Variants in CPTP observed in about 807,000 individuals in gnomAD.
CPTP encodes GLTP domain-containing protein 1.
In CPTP, 5 loss-of-function variants were observed where a neutral mutation model predicts 5.7. That is an observed-to-expected ratio of 0.88 (90% confidence interval 0.46 to 1.86). The LOEUF (loss-of-function observed/expected upper bound fraction) is 1.86. Ranked by LOEUF, CPTP falls within the 40% of genes most tolerant of loss-of-function variation. CPTP has a pLI of 0.01. For synonymous variants in CPTP, 166 were observed against 142.7 expected, an observed-to-expected ratio of 1.16 and a Z score of -1.16; for missense variants, 335 against 306.5, an observed-to-expected ratio of 1.09 and a Z score of -0.69.
At position 1,328,575 on chromosome 1, in the gene CPTP, A is replaced by C. The variant is rs1643361840; in HGVS notation, c.*812A>C. ...CAGGAGCTGGGACTCTGCTACACCC[A>C]GTGAAATGCTGTGTCCCTTCTCCCC... On this transcript the variant is annotated 3_prime_UTR_variant, in exon 3 of 3. Transcript: ENST00000343938. 1 of 152,726 alleles carries C rather than the reference A, an allele frequency of 6.5e-6. No individual in the cohort carries two copies. The highest frequency in any genetic ancestry group is 1.5e-5 in the Non-Finnish European group (1 of 68,342). 9.5% of individuals were successfully genotyped at this position (152,726 alleles called of 1,614,324 possible). A position where few individuals can be genotyped will look rare whatever the true frequency, so the allele number is the denominator to read the frequency against.
chr1:1,324,915 C>A lies in CPTP; in HGVS notation c.-263C>A. ...CCGAGGGGCCGGGAGCGGGAGGGGA[C>A]GTCGTCCTAGAGGGCCGGAGCGGGC... On this transcript the variant is annotated 5_prime_UTR_variant, in exon 1 of 3. Transcript: ENST00000343938. 1 of 362,780 alleles carries A rather than the reference C, an allele frequency of 2.8e-6. No homozygotes were observed. The highest frequency in any genetic ancestry group is 5.0e-6 in the Non-Finnish European group (1 of 201,640). The allele number at this position is 362,780 out of a possible 1,614,324, so 22.5% of individuals were successfully genotyped here. A position where few individuals can be genotyped will look rare whatever the true frequency, so the allele number is the denominator to read the frequency against.
chr1:1,328,650 A>G lies in CPTP; in HGVS notation c.*887A>G, dbSNP rs1429489651. On this transcript the variant is annotated 3_prime_UTR_variant, in exon 3 of 3. Transcript: ENST00000343938. ...ACAGTGCTCAGGAGACCCGTGGGGC[A>G]CGGAACAGGAGGGTCTGGACCCTGT... 1 of 152,432 alleles carries G rather than the reference A, an allele frequency of 6.6e-6. No homozygotes were observed. Among genetic ancestry groups the G allele is most frequent in the South Asian group, 2.1e-4 (1 of 4,830 alleles). The allele number at this position is 152,432 out of a possible 1,614,324, so 9.4% of individuals were successfully genotyped here.
rs1263168843 is a variant in CPTP, at chr1:1,327,398, C to G, written c.280C>G (p.Leu94Val). The change falls in exon 3 of 3, where the codon CTG becomes GTG. Residue 94 changes from leucine (L) to valine (V), a missense_variant. Leu to Val is a conservative substitution (Grantham distance 32). Coordinates refer to ENST00000343938, the MANE Select transcript of CPTP (RefSeq NM_001029885.2). ...CGAGCTGAGCAACCGGCTGGTGGAC[C>G]TGGAGCGCCGCTCCCACCACCCGGA... Reference protein sequence around the residue: ...AHELSNRLVDLERRSHHPESG... With the variant: ...AHELSNRLVDVERRSHHPESG... 4 of 1,595,234 alleles carry G rather than the reference C, an allele frequency of 2.5e-6. No individual in the cohort carries two copies. Among genetic ancestry groups the G allele is most frequent in the South Asian group, 1.1e-5 (1 of 90,474 alleles).
intron 2 of CPTP, 36 bp from the exon 3 acceptor site, chr1:1,327,205 C>A: frequency 1.3e-6 from 2 of 1,591,328 alleles, no homozygotes; most frequent in Non-Finnish European, 1.7e-6. Context: ...CTGCCCCAGG[C>A]CTGGGCGAGG....
At position 1,326,784 on chromosome 1, in the gene CPTP, G is replaced by A. The variant is rs568610024; in HGVS notation, c.-75-52G>A. The A allele has an allele frequency of 3.0e-5, 38 of 1,265,622 alleles. No individual in the cohort carries two copies. The Admixed American group carries it at 6.8e-4, about 23-fold the overall frequency. The allele number at this position is 1,265,622 out of a possible 1,614,324, so 78.4% of individuals were successfully genotyped here. A position where few individuals can be genotyped will look rare whatever the true frequency, so the allele number is the denominator to read the frequency against. ...AGGAAGCTCCATGAGGGGCATGAGT[G>A]TTCAGTGAGCGGCAATGGGATCGCA... On this transcript the variant is annotated intron_variant, in intron 1 of 2. Coordinates refer to ENST00000343938, the MANE Select transcript of CPTP (RefSeq NM_001029885.2).
In CPTP at chr1:1,326,964, G is replaced by A. The variant is rs562033529; in HGVS notation, c.54G>A (p.Lys18=). The A allele has an allele frequency of 8.7e-6, 14 of 1,613,850 alleles. No homozygotes were observed. In the African/African-American group the frequency reaches 1.6e-4, roughly 18 times the overall value. ...FNLKVVLVSF[K]QCLDEKEEVL... ...TGAAAGTCGTCCTGGTCAGTTTCAAGCAGTGTCTCGATGAGAAGGAAGAGG... is the reference window on the plus strand; with the variant it reads ...TGAAAGTCGTCCTGGTCAGTTTCAAACAGTGTCTCGATGAGAAGGAAGAGG... The change falls in exon 2 of 3, where the codon AAG becomes AAA. Residue 18 remains lysine (K), a synonymous_variant. Coordinates refer to ENST00000343938, the MANE Select transcript of CPTP (RefSeq NM_001029885.2).
At chr1:1,326,626 G>A (rs542233679) in intron 1 of CPTP, among the ~76,000 whole-genome samples, 6 of 152,326 alleles carry the variant, frequency 3.9e-5, no homozygotes, top group Admixed American at 2.0e-4. Context: ...GGACTGACAC[G>A]GAGTCAGTGG....
At chr1:1,325,819 G>A (rs941849263) in intron 1 of CPTP, among the ~76,000 whole-genome samples, 9 of 152,132 alleles carry the variant, frequency 5.9e-5, no homozygotes, top group African/African-American at 1.9e-4. Flanking sequence ...ACCACGGCTG[G>A]GTGCCCTTCC....
chr1:1,327,350 A>G lies in CPTP; in HGVS notation c.232A>G (p.Ser78Gly), dbSNP rs769869921. The G allele has an allele frequency of 1.3e-6, 2 of 1,598,642 alleles. No individual in the cohort carries two copies. Among genetic ancestry groups the G allele is most frequent in the South Asian group, 2.2e-5 (2 of 91,012 alleles). ...CGGCCCGCAGAGCGAGCACTACCGC[A>G]GCCTGCAGGCCATGGTGGCCCACGA... ...RGGPQSEHYR[S>G]LQAMVAHELS... is the part of the protein sequence containing the mutation. Residue 78 changes from serine to glycine, a missense_variant, in exon 3 of 3, where the codon AGC becomes GGC. Ser to Gly is a moderately conservative substitution (Grantham distance 56). Coordinates refer to ENST00000343938, the MANE Select transcript of CPTP (RefSeq NM_001029885.2).
In CPTP at chr1:1,327,816, TG is replaced by T; in HGVS notation, c.*55del. ...TTCCTGCTGCAGATCTGGGCTGCGG[TG>T]GCCAGGGCCGTGAGTCCCGTGGCAG... On this transcript the variant is annotated 3_prime_UTR_variant, in exon 3 of 3. Coordinates refer to ENST00000343938, the MANE Select transcript of CPTP (RefSeq NM_001029885.2). The T allele has an allele frequency of 6.3e-7, 1 of 1,587,064 alleles. No individual in the cohort carries two copies. The highest frequency in any genetic ancestry group is 1.1e-5 in the South Asian group (1 of 90,428).
rs563276088 is a variant in CPTP at position 1,328,350 on chromosome 1, C to T, written c.*587C>T. On this transcript the variant is annotated 3_prime_UTR_variant, in exon 3 of 3. Coordinates refer to ENST00000343938, the MANE Select transcript of CPTP (RefSeq NM_001029885.2). The stretch of plus-strand genomic sequence containing the variant: ...CTCCCCGCCTCTCCTGCCTTGTTTG[C>T]CCCTCAGCGTGCCAGGCAGACTGGG... 3.3e-4 allele frequency: 51 copies of T among 156,600 alleles called. 1 individual carries two copies. The South Asian group carries it at 9.2e-3, about 28-fold the overall frequency. The allele number at this position is 156,600 out of a possible 1,614,324, so 9.7% of individuals were successfully genotyped here.
intron 1 of CPTP, 72 bp from the exon 2 acceptor site, chr1:1,326,764 G>A: frequency 9.3e-7 from 1 of 1,070,254 alleles, no homozygotes. Context: ...CTGGGAGGAA[G>A]CTCCATGAGG....
In CPTP at chr1:1,327,314, C is replaced by T. The variant is rs1240467802; in HGVS notation, c.196C>T (p.Arg66Cys). Residue 66 changes from arginine (R) to cysteine (C), a missense_variant, in exon 3 of 3, where the codon CGC (arginine) becomes TGC (cysteine). Physicochemically the swap from Arg to Cys is radical, Grantham distance 180. Transcript: ENST00000343938. ...DVVSKLRIME[R>C]LRGGPQSEHY... Reference sequence around the variant, plus strand: ...GGTCTCCAAGCTGCGGATCATGGAGCGCCTCAGGGGCGGCCCGCAGAGCGA... The same window carrying T: ...GGTCTCCAAGCTGCGGATCATGGAGTGCCTCAGGGGCGGCCCGCAGAGCGA... 4 of 1,597,960 alleles carry T rather than the reference C, an allele frequency of 2.5e-6. No homozygotes were observed. The highest frequency in any genetic ancestry group is 2.2e-5 in the East Asian group (1 of 44,880).
chr1:1,325,035 C>T lies in CPTP; in HGVS notation c.-143C>T, dbSNP rs187501819. 2.5e-3 allele frequency: 447 copies of T among 178,938 alleles called. 1 individual carries two copies. The highest frequency in any genetic ancestry group is 0.01 in the African/African-American group (427 of 42,280). 11.1% of individuals were successfully genotyped at this position (178,938 alleles called of 1,614,324 possible). A position where few individuals can be genotyped will look rare whatever the true frequency, so the allele number is the denominator to read the frequency against. On this transcript the variant is annotated 5_prime_UTR_variant, in exon 1 of 3. Transcript: ENST00000343938. ...CCCGGGCCTCCGCCCCTTCCTGGGCCTCTCGGTGGAGCAGGGACCCGAACC... is the reference window on the plus strand; with the variant it reads ...CCCGGGCCTCCGCCCCTTCCTGGGCTTCTCGGTGGAGCAGGGACCCGAACC...
At position 1,327,882 on chromosome 1, in the gene CPTP, C is replaced by T. The variant is rs1161526076; in HGVS notation, c.*119C>T. The stretch of plus-strand genomic sequence containing the variant: ...TGCGGGAACAGGAGATCCTCTGTCG[C>T]CCCTGTGAGCTGAGCTGGTTAGGAA... On this transcript the variant is annotated 3_prime_UTR_variant, in exon 3 of 3. Coordinates refer to ENST00000343938, the MANE Select transcript of CPTP (RefSeq NM_001029885.2). 9 of 1,157,444 alleles carry T rather than the reference C, an allele frequency of 7.8e-6. No individual in the cohort carries two copies. In the East Asian group the frequency reaches 1.4e-4, roughly 19 times the overall value. 71.7% of individuals were successfully genotyped at this position (1,157,444 alleles called of 1,614,324 possible). A position where few individuals can be genotyped will look rare whatever the true frequency, so the allele number is the denominator to read the frequency against.
rs1643253718 is a variant in CPTP, at chr1:1,324,898, C to G, written c.-280C>G. 1 of 382,268 alleles carries G rather than the reference C, an allele frequency of 2.6e-6. No homozygotes were observed. The highest frequency in any genetic ancestry group is 5.7e-5 in the South Asian group (1 of 17,572). 23.7% of individuals were successfully genotyped at this position (382,268 alleles called of 1,614,324 possible). On this transcript the variant is annotated 5_prime_UTR_variant, in exon 1 of 3. Transcript: ENST00000343938. ...GCACGGTCCGGAAGTCGCCGAGGGG[C>G]CGGGAGCGGGAGGGGACGTCGTCCT...
At chr1:1,327,074 G>A (rs1376312587) in intron 2 of CPTP, 42 bp downstream of exon 2, 16 of 1,609,174 alleles carry the variant, frequency 9.9e-6, no homozygotes, top group Non-Finnish European at 1.4e-5. Flanking sequence ...GCGCTCCCCT[G>A]GCCCGAGTCC....
chr1:1,328,203 C>T lies in CPTP; in HGVS notation c.*440C>T, dbSNP rs371588670. 2.4e-4 allele frequency: 52 copies of T among 219,402 alleles called. No individual in the cohort carries two copies. Among genetic ancestry groups the T allele is most frequent in the Non-Finnish European group, 4.1e-4 (45 of 110,368 alleles). 13.6% of individuals were successfully genotyped at this position (219,402 alleles called of 1,614,324 possible). On this transcript the variant is annotated 3_prime_UTR_variant, in exon 3 of 3. Transcript: ENST00000343938. ...TTTCTGCCAGCCGATGTGTCCTCATCTCAGGCCCGTGCCTGGGACCCCGTG... is the reference window on the plus strand; with the variant it reads ...TTTCTGCCAGCCGATGTGTCCTCATTTCAGGCCCGTGCCTGGGACCCCGTG...
chr1:1,327,759 C>G lies in CPTP; in HGVS notation c.641C>G (p.Pro214Arg). ...GCCGAGCACTCCCTGCTGGACCTGC[C>G]CTAGGGGCGGGAAGCCAGGGCCGCA... ...LYAEHSLLDL[P>R] Residue 214 changes from proline to arginine, a missense_variant, in exon 3 of 3, where the codon CCC becomes CGC. Coordinates refer to ENST00000343938, the MANE Select transcript of CPTP (RefSeq NM_001029885.2). 6.2e-7 allele frequency: 1 copy of G among 1,611,670 alleles called. No individual in the cohort carries two copies. Among genetic ancestry groups the G allele is most frequent in the Non-Finnish European group, 8.5e-7 (1 of 1,179,814 alleles).
Sources: gnomAD v4.1 joint callset for allele counts (sites outside exome capture counted in the v4.1 genomes callset) on GRCh38, gnomAD v4.1.1 for gene constraint, MANE v1.5 for transcripts, NCBI Gene and HGNC (gene_info 2026-07-23, HGNC 2026-07-21) for gene names.